BTN2A2: variants seen among roughly 807,000 people sequenced by gnomAD.
BTN2A2 encodes butyrophilin subfamily 2 member A2.
In BTN2A2, 29 loss-of-function variants were observed where a neutral mutation model predicts 34.7. The ratio of observed to expected loss-of-function variants is 0.84; its 90% confidence interval spans 0.62 to 1.14. The LOEUF (loss-of-function observed/expected upper bound fraction) is 1.14. BTN2A2 is among the 50% of genes most tolerant of loss of function. The pLI is 0.00. For synonymous variants in BTN2A2, 240 were observed against 253.1 expected (o/e 0.95, Z 0.49); for missense variants, 612 against 651.5 (o/e 0.94, Z 0.66).
In BTN2A2 at chr6:26,385,062, G is replaced by A. The variant is rs1761098571; in HGVS notation, c.142G>A (p.Gly48Arg). The change falls in exon 3 of 8, where the codon GGA (glycine) becomes AGA (arginine). Residue 48 changes from glycine (G) to arginine (R), a missense_variant. Coordinates refer to ENST00000356709, the MANE Select transcript of BTN2A2 (RefSeq NM_006995.5). ...AGCTAATCCCATCCTGGCCATGGTG[G>A]GAGAAAACACTACATTACGCTGCCA... ...GPANPILAMV[G>R]ENTTLRCHLS... The A allele has an allele frequency of 1.2e-6, 2 of 1,613,806 alleles. No homozygotes were observed. Among genetic ancestry groups the A allele is most frequent in the Non-Finnish European group, 1.7e-6 (2 of 1,179,890 alleles).
In BTN2A2 at chr6:26,383,848, C is replaced by T. The variant is rs1226265649; in HGVS notation, c.27C>T (p.Phe9=). The change falls in exon 2 of 8, where the codon TTC becomes TTT. Residue 9 remains phenylalanine, a synonymous_variant. Coordinates refer to ENST00000356709, the MANE Select transcript of BTN2A2 (RefSeq NM_006995.5). The surrounding 1 kb of genome is among the most constrained non-coding windows in gnomAD (Gnocchi z 4.4). Reference sequence around the variant, plus strand: ...TGGAACCAGCTGCTGCTCTGCACTTCTCCCTGCCAGCCTCCCTCCTCCTCC... The same window carrying T: ...TGGAACCAGCTGCTGCTCTGCACTTTTCCCTGCCAGCCTCCCTCCTCCTCC... MEPAAALH[F]SLPASLLLLL... is the part of the protein sequence containing the mutation. 1 of 1,614,178 alleles carries T rather than the reference C, an allele frequency of 6.2e-7. No individual in the cohort carries two copies. Among genetic ancestry groups the T allele is most frequent in the South Asian group, 1.1e-5 (1 of 91,080 alleles).
chr6:26,390,972 C>A, intron 7 of BTN2A2, 143 bp downstream of exon 7: 2 of 1,233,826 alleles, frequency 1.6e-6, no homozygotes, highest in East Asian at 2.3e-5. Flanking sequence ...GGTGTCCCAG[C>A]AATGATGCAT....
Position 26,384,928 on chromosome 6 carries a change from GT to G in BTN2A2, c.95-84del, listed in dbSNP as rs1376657940. The G allele has an allele frequency of 3.0e-6, 4 of 1,342,432 alleles. No homozygotes were observed. Among genetic ancestry groups the G allele is most frequent in the Admixed American group, 2.6e-5 (1 of 37,896 alleles). The allele number at this position is 1,342,432 out of a possible 1,614,324, so 83.2% of individuals were successfully genotyped here. ...TCCTTTCATCCCTGGAGTTTTTTTT[GT>G]TTGTTTGTTTTTGTTTTTTGTTTTT... On this transcript the variant is annotated intron_variant, in intron 2 of 7. Transcript: ENST00000356709. The surrounding 1 kb of genome is among the most constrained non-coding windows in gnomAD (Gnocchi z 4.0).
Position 26,393,729 on chromosome 6 carries a change from A to G in BTN2A2, c.*762A>G. ...AGTACTGGACCAGGTCTACGTCAGC[A>G]TTCAGGTTCAATGGGGACACCAGTG... On this transcript the variant is annotated 3_prime_UTR_variant, in exon 8 of 8. Transcript: ENST00000356709. 1.0e-6 allele frequency: 1 copy of G among 987,386 alleles called. No individual in the cohort carries two copies. Among genetic ancestry groups the G allele is most frequent in the Non-Finnish European group, 1.2e-6 (1 of 831,418 alleles). The allele number at this position is 987,386 out of a possible 1,614,324, so 61.2% of individuals were successfully genotyped here.
In BTN2A2 at chr6:26,393,839, T is replaced by C; in HGVS notation, c.*872T>C. 1 of 865,034 alleles carries C rather than the reference T, an allele frequency of 1.2e-6. No homozygotes were observed. Among genetic ancestry groups the C allele is most frequent in the Non-Finnish European group, 1.4e-6 (1 of 719,822 alleles). The allele number at this position is 865,034 out of a possible 1,614,324, so 53.6% of individuals were successfully genotyped here. A position where few individuals can be genotyped will look rare whatever the true frequency, so the allele number is the denominator to read the frequency against. On this transcript the variant is annotated 3_prime_UTR_variant, in exon 8 of 8. Coordinates refer to ENST00000356709, the MANE Select transcript of BTN2A2 (RefSeq NM_006995.5). ...AAGAGCTTTTGTTTATTTGGGTTAA[T>C]ATTTATGACATTTGACATTGAAACA... is the stretch of plus-strand genomic sequence containing the variant.
In BTN2A2 at chr6:26,384,867, C is replaced by CGGTGGT; in HGVS notation, c.95-148_95-147insGGTGGT. On this transcript the variant is annotated intron_variant, in intron 2 of 7. Coordinates refer to ENST00000356709, the MANE Select transcript of BTN2A2 (RefSeq NM_006995.5). The surrounding 1 kb of genome is among the most constrained non-coding windows in gnomAD (Gnocchi z 4.0). ...AGCTACTGGTCCCCAGAAGGGTTCT[C>CGGTGGT]AGCCCAAGAACCCCTGTAGCCTTGG... is the stretch of plus-strand genomic sequence containing the variant. 1.2e-6 allele frequency: 1 copy of CGGTGGT among 864,916 alleles called. No homozygotes were observed. The highest frequency in any genetic ancestry group is 1.7e-6 in the Non-Finnish European group (1 of 575,420). 53.6% of individuals were successfully genotyped at this position (864,916 alleles called of 1,614,324 possible). A position where few individuals can be genotyped will look rare whatever the true frequency, so the allele number is the denominator to read the frequency against.
At chr6:26,388,820 A>G (rs1450402243) in intron 4 of BTN2A2, among the ~76,000 whole-genome samples, 1 of 152,220 alleles carries the variant, frequency 6.6e-6, no homozygotes, top group Non-Finnish European at 1.5e-5. Flanking sequence ...CAAGGAGTTC[A>G]TATTCTAGAG....
Position 26,394,619 on chromosome 6 carries a change from C to T in BTN2A2, c.*1652C>T. On this transcript the variant is annotated 3_prime_UTR_variant, in exon 8 of 8. Coordinates refer to ENST00000356709, the MANE Select transcript of BTN2A2 (RefSeq NM_006995.5). ...ACTGAGAGTTACACAATCAGCTTCC[C>T]TGGTTCTGAGGCTTTCAGACTTAAA... 1 of 359,378 alleles carries T rather than the reference C, an allele frequency of 2.8e-6. No homozygotes were observed. The highest frequency in any genetic ancestry group is 5.0e-6 in the Non-Finnish European group (1 of 199,512). The allele number at this position is 359,378 out of a possible 1,614,324, so 22.3% of individuals were successfully genotyped here. A position where few individuals can be genotyped will look rare whatever the true frequency, so the allele number is the denominator to read the frequency against.
rs747095183 is a variant in BTN2A2, at chr6:26,392,556, G to A, written c.1161G>A (p.Glu387=). Residue 387 remains glutamate, a synonymous_variant, in exon 8 of 8, where the codon GAG becomes GAA. Transcript: ENST00000356709. ...FASGKHYWEV[E]VENVMVWTVG... is the part of the protein sequence containing the mutation. ...CAGGGAAACATTACTGGGAGGTGGA[G>A]GTGGAAAACGTGATGGTGTGGACTG... The A allele has an allele frequency of 6.2e-7, 1 of 1,614,230 alleles. No homozygotes were observed. Among genetic ancestry groups the A allele is most frequent in the South Asian group, 1.1e-5 (1 of 91,086 alleles).
chr6:26,390,866 C>A, intron 7 of BTN2A2, 37 bp downstream of exon 7: 1 of 1,613,470 alleles, frequency 6.2e-7, no homozygotes, highest in Non-Finnish European at 8.5e-7. Flanking sequence ...TCTCAGCTTT[C>A]TCCCCACTAG....
At chr6:26,387,567 C>CAA (rs74270301) in intron 3 of BTN2A2, among the ~76,000 whole-genome samples, 2 of 47,154 alleles carry the variant, frequency 4.2e-5, no homozygotes, top group African/African-American at 1.0e-4. Flanking sequence ...CCCATCTCTA[C>CAA]AAAAAAAAAA....
chr6:26,388,331 G>A (rs748535713), intron 4 of BTN2A2, 37 bp downstream of exon 4: 1 of 1,604,636 alleles, frequency 6.2e-7, no homozygotes, highest in Non-Finnish European at 8.5e-7. Context: ...TCAAGTGTAT[G>A]CAGGATCCTC....
rs114935059 is a variant in BTN2A2, at chr6:26,387,624, C to G, written c.443-389C>G. Among the ~76,000 whole-genome samples, 443 of 151,320 alleles carry G rather than the reference C, an allele frequency of 2.9e-3. 1 individual carries two copies. The highest frequency in any genetic ancestry group is 5.3e-3 in the Non-Finnish European group (362 of 67,870). On this transcript the variant is annotated intron_variant, in intron 3 of 7. Transcript: ENST00000356709. ...AAGCTTCTGCCAACCTGATAGGTTT[C>G]TGTCATTAGTGTATTATTTTAGAGC...
Position 26,392,601 on chromosome 6 carries a change from T to A in BTN2A2, c.1206T>A (p.Ser402Arg). ...MVWTVGVCRH[S>R]VERKGEVLLI... Reference sequence around the variant, plus strand: ...GGACTGTGGGGGTCTGCAGACACAGTGTTGAGAGGAAAGGGGAGGTCCTGC... The same window carrying A: ...GGACTGTGGGGGTCTGCAGACACAGAGTTGAGAGGAAAGGGGAGGTCCTGC... Residue 402 changes from serine to arginine, a missense_variant, in exon 8 of 8, where the codon AGT becomes AGA. Transcript: ENST00000356709. The A allele has an allele frequency of 6.2e-7, 1 of 1,613,976 alleles. No individual in the cohort carries two copies. Among genetic ancestry groups the A allele is most frequent in the Non-Finnish European group, 8.5e-7 (1 of 1,179,974 alleles).
rs1379854850 is a variant in BTN2A2, at chr6:26,388,084, G to A, written c.514G>A (p.Gly172Arg). 1.2e-6 allele frequency: 2 copies of A among 1,614,110 alleles called. No homozygotes were observed. The highest frequency in any genetic ancestry group is 1.7e-6 in the Non-Finnish European group (2 of 1,180,018). The change falls in exon 4 of 8, where the codon GGA becomes AGA. Residue 172 changes from glycine (G) to arginine (R), a missense_variant. Gly to Arg is a moderately radical substitution (Grantham distance 125, BLOSUM62 -2). Coordinates refer to ENST00000356709, the MANE Select transcript of BTN2A2 (RefSeq NM_006995.5). ...DGSIWLECIS[G>R]GWYPEPLTVW... ...GAGCATCTGGCTGGAGTGCATATCT[G>A]GAGGGTGGTACCCAGAGCCCCTCAC...
At position 26,393,190 on chromosome 6, in the gene BTN2A2, T is replaced by C; in HGVS notation, c.*223T>C. The C allele has an allele frequency of 4.5e-6, 7 of 1,556,646 alleles. No homozygotes were observed. The highest frequency in any genetic ancestry group is 6.1e-6 in the Non-Finnish European group (7 of 1,154,738). ...CTTTGCTTGTAATTATGGGATGGGA[T>C]CCAGGCATAGGGAACTAGTTGTTTC... On this transcript the variant is annotated 3_prime_UTR_variant, in exon 8 of 8. Coordinates refer to ENST00000356709, the MANE Select transcript of BTN2A2 (RefSeq NM_006995.5).
intron 7 of BTN2A2, chr6:26,392,165 C>T: frequency 6.8e-7 from 1 of 1,468,884 alleles, no homozygotes; most frequent in Non-Finnish European, 9.2e-7. Flanking sequence ...TCTTCTCAAC[C>T]TGGGGGCACT....
At position 26,392,649 on chromosome 6, in the gene BTN2A2, G is replaced by A; in HGVS notation, c.1254G>A (p.Trp418Ter). The change falls in exon 8 of 8, where the codon TGG becomes TGA. Residue 418 changes from tryptophan (W) to a stop codon, truncating the protein, a stop_gained. Transcript: ENST00000356709. LOFTEE classifies it low-confidence loss of function (END_TRUNC). ...EVLLIPQNGF[W>*]TLEMFGNQYR... ...TGCTGATTCCTCAGAATGGCTTCTG[G>A]ACCCTGGAGATGTTTGGAAACCAAT... is the stretch of plus-strand genomic sequence containing the variant. 1 of 1,614,196 alleles carries A rather than the reference G, an allele frequency of 6.2e-7. No homozygotes were observed. The highest frequency in any genetic ancestry group is 8.5e-7 in the Non-Finnish European group (1 of 1,180,026).
chr6:26,391,803 C>T (rs1761592469), intron 7 of BTN2A2: 1 of 161,790 alleles, frequency 6.2e-6, no homozygotes, highest in Non-Finnish European at 1.4e-5. Context: ...TTTTCTTTTG[C>T]ACACATTTAT....
Sources: allele counts gnomAD v4.1 joint callset (sites outside exome capture counted in the v4.1 genomes callset), GRCh38; gene constraint gnomAD v4.1.1; non-coding constraint Gnocchi (gnomAD v3.1); transcripts MANE v1.5; gene names NCBI Gene and HGNC (gene_info 2026-07-23, HGNC 2026-07-21).